Variants in CD2AP observed in about 807,000 individuals in gnomAD.
CD2AP encodes the protein CD2 associated protein.
In CD2AP, 46 loss-of-function variants were observed where a neutral mutation model predicts 85.1. That is an observed-to-expected ratio of 0.54 (90% CI 0.43 to 0.69). The LOEUF (loss-of-function observed/expected upper bound fraction) is 0.69. Ranked by LOEUF, CD2AP falls within the 30% of genes least tolerant of loss-of-function variation. The pLI is 0.00. For synonymous variants in CD2AP, 255 were observed against 252.9 expected (o/e 1.01, Z -0.08); for missense variants, 769 against 729.5 (o/e 1.05, Z -0.62).
chr6:47,478,166 C>T lies in CD2AP; in HGVS notation c.-79C>T. The stretch of plus-strand genomic sequence containing the variant: ...GGAGCGCGGGTCCCGCCTCCAGCCG[C>T]GGGAGCGGCCGCGCGAGCCACCACT... On this transcript the variant is annotated 5_prime_UTR_variant, in exon 1 of 18. Transcript: ENST00000359314. 1.3e-6 allele frequency: 2 copies of T among 1,535,414 alleles called. No individual in the cohort carries two copies. Among genetic ancestry groups the T allele is most frequent in the Non-Finnish European group, 1.8e-6 (2 of 1,134,872 alleles).
intron 1 of CD2AP, among the ~76,000 whole-genome samples, chr6:47,495,164 A>G (rs1765827292): frequency 6.6e-6 from 1 of 152,152 alleles, no homozygotes; most frequent in Non-Finnish European, 1.5e-5. Context: ...CTTTGCGTCA[A>G]AAAGAGAGAG....
intron 17 of CD2AP, among the ~76,000 whole-genome samples, chr6:47,613,587 G>A (rs1446084374): frequency 6.6e-6 from 1 of 151,566 alleles, no homozygotes; most frequent in Non-Finnish European, 1.5e-5. Flanking sequence ...CAGATGTGCT[G>A]TTATCCAGGC....
intron 5 of CD2AP, among the ~76,000 whole-genome samples, chr6:47,561,365 T>C (rs143244702): frequency 1.3e-5 from 2 of 152,322 alleles, no homozygotes; most frequent in Admixed American, 6.5e-5. Flanking sequence ...TTTTGACATG[T>C]CTCCATTATT....
At chr6:47,554,428 C>T (rs1032034123) in intron 4 of CD2AP, among the ~76,000 whole-genome samples, 16 of 152,074 alleles carry the variant, frequency 1.1e-4, no homozygotes, top group African/African-American at 3.4e-4. Flanking sequence ...TGTAAATGTG[C>T]GAAGTACTGT....
chr6:47,583,360 A>C (rs1348234080), intron 11 of CD2AP, among the ~76,000 whole-genome samples: 2 of 152,156 alleles, frequency 1.3e-5, no homozygotes, highest in East Asian at 3.9e-4. Flanking sequence ...TCCTGTATCC[A>C]CCATTGTAGT....
At chr6:47,622,750 G>C (rs973565704) in intron 17 of CD2AP, among the ~76,000 whole-genome samples, 1 of 152,140 alleles carries the variant, frequency 6.6e-6, no homozygotes. Flanking sequence ...CGGTCCTCTC[G>C]GGATTGCTGG....
chr6:47,478,257 C>G lies in CD2AP; in HGVS notation c.4+9C>G, dbSNP rs1561995493. On this transcript the variant is annotated intron_variant, in intron 1 of 17. Transcript: ENST00000359314. ...GGGAGCCCCCAGCATGGGTAAGAGA[C>G]TCGGGCGCTTCCCGCCGCCCGTCCG... The G allele has an allele frequency of 9.5e-6, 15 of 1,570,772 alleles. No individual in the cohort carries two copies. Among genetic ancestry groups the G allele is most frequent in the Non-Finnish European group, 1.2e-5 (14 of 1,158,534 alleles).
chr6:47,582,771 G>GT lies in CD2AP; in HGVS notation c.1108+714dup, dbSNP rs1326174313. Among the ~76,000 whole-genome samples the GT allele has an allele frequency of 1.5e-3, 197 of 127,504 alleles. 5 individuals carry two copies. Among genetic ancestry groups the GT allele is most frequent in the Admixed American group, 0.014 (170 of 11,994 alleles). The allele number at this position is 127,504 out of a possible 152,430, so 83.6% of individuals were successfully genotyped here. A position where few individuals can be genotyped will look rare whatever the true frequency, so the allele number is the denominator to read the frequency against. ...TACTTCATGTTGTTGCCAGGATCATGTTTTTTTTGTTTTTTTTTGTTTTGT... is the reference window on the plus strand; with the variant it reads ...TACTTCATGTTGTTGCCAGGATCATGTTTTTTTTTGTTTTTTTTTGTTTTGT... On this transcript the variant is annotated intron_variant, in intron 11 of 17. Transcript: ENST00000359314.
chr6:47,589,011 A>G (rs11970203), intron 11 of CD2AP, among the ~76,000 whole-genome samples: 588 of 152,154 alleles, frequency 3.9e-3, no homozygotes, highest in Middle Eastern at 0.01. Flanking sequence ...GAAGACTTTG[A>G]GATATATTTA....
intron 12 of CD2AP, among the ~76,000 whole-genome samples, chr6:47,597,752 C>T (rs1297188992): frequency 6.7e-6 from 1 of 148,680 alleles, no homozygotes; most frequent in East Asian, 1.9e-4. Flanking sequence ...GTGGAATTCT[C>T]AACCTGGTGC....
chr6:47,514,474 A>G (rs765488088), intron 2 of CD2AP, among the ~76,000 whole-genome samples: 2 of 152,224 alleles, frequency 1.3e-5, no homozygotes, highest in African/African-American at 2.4e-5. Context: ...TTGATTCAGT[A>G]TCAATGTCTT....
At chr6:47,534,217 A>G (rs1766966848) in intron 3 of CD2AP, among the ~76,000 whole-genome samples, 1 of 152,194 alleles carries the variant, frequency 6.6e-6, no homozygotes, top group Non-Finnish European at 1.5e-5. Flanking sequence ...TAGGGGAACA[A>G]CTTGGCAAAG....
intron 2 of CD2AP, among the ~76,000 whole-genome samples, chr6:47,526,865 T>C (rs1766742625): frequency 6.6e-6 from 1 of 152,196 alleles, no homozygotes; most frequent in African/African-American, 2.4e-5. Context: ...AAGTACTCTT[T>C]GGCATGTTGA....
At chr6:47,532,073 C>A (rs77293808) in intron 2 of CD2AP, among the ~76,000 whole-genome samples, 12 of 145,910 alleles carry the variant, frequency 8.2e-5, no homozygotes, top group Non-Finnish European at 9.0e-5. Flanking sequence ...GACTCCTTCT[C>A]AAAAAAAAAA....
intron 17 of CD2AP, among the ~76,000 whole-genome samples, chr6:47,615,557 A>G (rs1769553850): frequency 6.6e-6 from 1 of 151,954 alleles, no homozygotes; most frequent in African/African-American, 2.4e-5. Context: ...GGGAGGGGCC[A>G]CGCAGTTTTA....
At chr6:47,615,726 G>T (rs536610703) in intron 17 of CD2AP, among the ~76,000 whole-genome samples, 1 of 151,948 alleles carries the variant, frequency 6.6e-6, no homozygotes, top group South Asian at 2.1e-4. Context: ...GATGCAAATC[G>T]TATCAATGAT....
rs139383580 is a variant in CD2AP, at chr6:47,590,713, G to A, written c.1109-5148G>A. On this transcript the variant is annotated intron_variant, in intron 11 of 17. Coordinates refer to ENST00000359314, the MANE Select transcript of CD2AP (RefSeq NM_012120.3). The stretch of plus-strand genomic sequence containing the variant: ...ATACAGAGGGATGACTGTACAGTGG[G>A]AAGGTCTTATGTACATGTAATTGGA... Among the ~76,000 whole-genome samples, 643 of 152,202 alleles carry A rather than the reference G, an allele frequency of 4.2e-3. 5 individuals are homozygous for A. Among genetic ancestry groups the A allele is most frequent in the African/African-American group, 0.015 (604 of 41,540 alleles).
intron 3 of CD2AP, among the ~76,000 whole-genome samples, chr6:47,543,168 AAAAAGAAAAAGAAAAAAG>A (rs1562024169): frequency 9.5e-5 from 13 of 136,696 alleles, no homozygotes; most frequent in African/African-American, 2.8e-4. Flanking sequence ...AAAAAAAAAA[AAAAAGAAAAAGAAAAAAG>A]AAAAAAAAGA....
chr6:47,522,754 T>A (rs1234215177), intron 2 of CD2AP, among the ~76,000 whole-genome samples: 1 of 152,010 alleles, frequency 6.6e-6, no homozygotes, highest in Non-Finnish European at 1.5e-5. Context: ...AAAAAATTAG[T>A]TTGAAAAATT....
Sources: allele counts gnomAD v4.1 joint callset (sites outside exome capture counted in the v4.1 genomes callset), GRCh38; gene constraint gnomAD v4.1.1; transcripts MANE v1.5; gene names NCBI Gene and HGNC (gene_info 2026-07-23, HGNC 2026-07-21).